Variants in SMIM1 observed in about 807,000 individuals in gnomAD.
SMIM1 encodes the protein small integral membrane protein 1.
In SMIM1, 7 loss-of-function variants were observed where a neutral mutation model predicts 7.7. The observed-to-expected ratio is 0.91, with a 90% CI of 0.52 to 1.71. SMIM1 has a LOEUF of 1.71. Ranked by LOEUF, SMIM1 falls within the 40% of genes most tolerant of loss-of-function variation. The pLI is 0.00. For missense variants in SMIM1, 95 were observed against 102.8 expected (o/e 0.92, Z 0.33); for synonymous variants, 41 against 42.7 (o/e 0.96, Z 0.16).
chr1:3,773,696 C>T (rs573092099), intron 2 of SMIM1, among the ~76,000 whole-genome samples: 4 of 152,200 alleles, frequency 2.6e-5, no homozygotes, highest in Admixed American at 1.3e-4. Flanking sequence ...TCTCCCATCC[C>T]CTGCTGCACC....
chr1:3,775,587 C>A lies in SMIM1; in HGVS notation c.110+104C>A. ...CCGGCCCCATCACCCTCCACCCCATCCTGGCTGGGAGCCCACGGTCCAGCA... is the reference window on the plus strand; with the variant it reads ...CCGGCCCCATCACCCTCCACCCCATACTGGCTGGGAGCCCACGGTCCAGCA... On this transcript the variant is annotated intron_variant, in intron 3 of 3. Transcript: ENST00000642557. This position sits in a 1 kb window ranked among gnomAD's most constrained non-coding sequence, Gnocchi z 5.3. 1 of 1,294,906 alleles carries A rather than the reference C, an allele frequency of 7.7e-7. No homozygotes were observed. The highest frequency in any genetic ancestry group is 1.1e-6 in the Non-Finnish European group (1 of 952,108). 80.2% of individuals were successfully genotyped at this position (1,294,906 alleles called of 1,614,324 possible).
In SMIM1 at chr1:3,775,264, T is replaced by C; in HGVS notation, c.-75-35T>C. 2 of 708,086 alleles carry C rather than the reference T, an allele frequency of 2.8e-6. No individual in the cohort carries two copies. Among genetic ancestry groups the C allele is most frequent in the Non-Finnish European group, 4.5e-6 (2 of 446,506 alleles). 43.9% of individuals were successfully genotyped at this position (708,086 alleles called of 1,614,324 possible). A position where few individuals can be genotyped will look rare whatever the true frequency, so the allele number is the denominator to read the frequency against. On this transcript the variant is annotated intron_variant, in intron 2 of 3. Coordinates refer to ENST00000642557, the MANE Select transcript of SMIM1 (RefSeq NM_001288583.2). This position sits in a 1 kb window ranked among gnomAD's most constrained non-coding sequence, Gnocchi z 5.3. ...CTCCTAACAGCAGCCTCAGAGGGGG[T>C]CTTGACTGCCGCCCTCCATCCGCTT...
intron 2 of SMIM1, among the ~76,000 whole-genome samples, chr1:3,774,320 A>C (rs1471249473): frequency 2.0e-5 from 3 of 152,116 alleles, no homozygotes; most frequent in Admixed American, 6.5e-5. Flanking sequence ...GTGGGTTGTC[A>C]ACTTCTCGTG....
chr1:3,775,765 G>A lies in SMIM1; in HGVS notation c.111-30G>A, dbSNP rs1433690566. The A allele has an allele frequency of 5.8e-6, 9 of 1,545,430 alleles. No individual in the cohort carries two copies. The highest frequency in any genetic ancestry group is 7.9e-6 in the Non-Finnish European group (9 of 1,145,676). On this transcript the variant is annotated intron_variant, in intron 3 of 3. Transcript: ENST00000642557. The surrounding 1 kb of genome is among the most constrained non-coding windows in gnomAD (Gnocchi z 5.3). ...GGGCCCCTCATGCGGCCCTGGCCTG[G>A]GGCTCACCTCCAGTTGGTTCTCACC...
At position 3,775,950 on chromosome 1, in the gene SMIM1, G is replaced by A. The variant is rs1285285941; in HGVS notation, c.*29G>A. The A allele has an allele frequency of 6.5e-7, 1 of 1,541,864 alleles. No homozygotes were observed. On this transcript the variant is annotated 3_prime_UTR_variant, in exon 4 of 4. Coordinates refer to ENST00000642557, the MANE Select transcript of SMIM1 (RefSeq NM_001288583.2). The surrounding 1 kb of genome is among the most constrained non-coding windows in gnomAD (Gnocchi z 5.3). Reference sequence around the variant, plus strand: ...CTGCCCCGCATGCACGCGGGGGGCTGGCCGCACACGTGAGAGCACAGGCCT... The same window carrying A: ...CTGCCCCGCATGCACGCGGGGGGCTAGCCGCACACGTGAGAGCACAGGCCT...
rs1385015623 is a variant in SMIM1, at chr1:3,775,629, C to A, written c.110+146C>A. 4 of 1,294,960 alleles carry A rather than the reference C, an allele frequency of 3.1e-6. No individual in the cohort carries two copies. The highest frequency in any genetic ancestry group is 4.2e-6 in the Non-Finnish European group (4 of 963,218). 80.2% of individuals were successfully genotyped at this position (1,294,960 alleles called of 1,614,324 possible). ...GGTCCAGCAGCTCAGCAAACCGCAGCCTTTGGCCTTCCCTCTGGTTGGCTG... is the reference window on the plus strand; with the variant it reads ...GGTCCAGCAGCTCAGCAAACCGCAGACTTTGGCCTTCCCTCTGGTTGGCTG... On this transcript the variant is annotated intron_variant, in intron 3 of 3. Coordinates refer to ENST00000642557, the MANE Select transcript of SMIM1 (RefSeq NM_001288583.2). This position sits in a 1 kb window ranked among gnomAD's most constrained non-coding sequence, Gnocchi z 5.3.
chr1:3,775,010 G>A lies in SMIM1; in HGVS notation c.-75-289G>A, dbSNP rs1364087134. Among the ~76,000 whole-genome samples the A allele has an allele frequency of 6.6e-6, 1 of 152,168 alleles. No homozygotes were observed. Among genetic ancestry groups the A allele is most frequent in the Non-Finnish European group, 1.5e-5 (1 of 68,030 alleles). ...CTCTTGAGGGTGGCAGGCTGTGCAGGCTCCCTGATAAAAGCACCGGGGAAG... is the reference window on the plus strand; with the variant it reads ...CTCTTGAGGGTGGCAGGCTGTGCAGACTCCCTGATAAAAGCACCGGGGAAG... On this transcript the variant is annotated intron_variant, in intron 2 of 3. Coordinates refer to ENST00000642557, the MANE Select transcript of SMIM1 (RefSeq NM_001288583.2). The surrounding 1 kb of genome is among the most constrained non-coding windows in gnomAD (Gnocchi z 5.3).
Position 3,775,624 on chromosome 1 carries a change from C to A in SMIM1, c.110+141C>A. 1 of 1,291,150 alleles carries A rather than the reference C, an allele frequency of 7.7e-7. No homozygotes were observed. The highest frequency in any genetic ancestry group is 1.0e-6 in the Non-Finnish European group (1 of 959,296). 80.0% of individuals were successfully genotyped at this position (1,291,150 alleles called of 1,614,324 possible). On this transcript the variant is annotated intron_variant, in intron 3 of 3. Coordinates refer to ENST00000642557, the MANE Select transcript of SMIM1 (RefSeq NM_001288583.2). This position sits in a 1 kb window ranked among gnomAD's most constrained non-coding sequence, Gnocchi z 5.3. ...CCCACGGTCCAGCAGCTCAGCAAAC[C>A]GCAGCCTTTGGCCTTCCCTCTGGTT...
intron 2 of SMIM1, among the ~76,000 whole-genome samples, chr1:3,773,798 G>T (rs1643418519): frequency 6.6e-6 from 1 of 152,202 alleles, no homozygotes; most frequent in Non-Finnish European, 1.5e-5. Context: ...ACCTGGGGCT[G>T]GCACATTGCT....
Position 3,775,765 on chromosome 1 carries a change from G to T in SMIM1, c.111-30G>T. 6.5e-7 allele frequency: 1 copy of T among 1,545,546 alleles called. No homozygotes were observed. The highest frequency in any genetic ancestry group is 8.7e-7 in the Non-Finnish European group (1 of 1,145,668). Reference sequence around the variant, plus strand: ...GGGCCCCTCATGCGGCCCTGGCCTGGGGCTCACCTCCAGTTGGTTCTCACC... The same window carrying T: ...GGGCCCCTCATGCGGCCCTGGCCTGTGGCTCACCTCCAGTTGGTTCTCACC... On this transcript the variant is annotated intron_variant, in intron 3 of 3. Coordinates refer to ENST00000642557, the MANE Select transcript of SMIM1 (RefSeq NM_001288583.2). The surrounding 1 kb of genome is among the most constrained non-coding windows in gnomAD (Gnocchi z 5.3).
At chr1:3,774,996 G>T (rs1414910615) in intron 2 of SMIM1, among the ~76,000 whole-genome samples, 1 of 152,142 alleles carries the variant, frequency 6.6e-6, no homozygotes, top group Non-Finnish European at 1.5e-5. Context: ...TCTTGAGGGT[G>T]GCAGGCTGTG....
At position 3,775,239 on chromosome 1, in the gene SMIM1, C is replaced by G. The variant is rs1326104620; in HGVS notation, c.-75-60C>G. The G allele has an allele frequency of 1.6e-6, 1 of 622,626 alleles. No homozygotes were observed. Among genetic ancestry groups the G allele is most frequent in the Non-Finnish European group, 2.8e-6 (1 of 361,124 alleles). The allele number at this position is 622,626 out of a possible 1,614,324, so 38.6% of individuals were successfully genotyped here. On this transcript the variant is annotated intron_variant, in intron 2 of 3. Transcript: ENST00000642557. The surrounding 1 kb of genome is among the most constrained non-coding windows in gnomAD (Gnocchi z 5.3). ...TCAGCCCCCGACCCTTAGTGCCCCT[C>G]TCCTAACAGCAGCCTCAGAGGGGGT...
Position 3,775,624 on chromosome 1 carries a change from C to T in SMIM1, c.110+141C>T, listed in dbSNP as rs535695998. 2.1e-5 allele frequency: 27 copies of T among 1,291,146 alleles called. No homozygotes were observed. In the Middle Eastern group the frequency reaches 8.2e-4, roughly 39 times the overall value. 80.0% of individuals were successfully genotyped at this position (1,291,146 alleles called of 1,614,324 possible). A position where few individuals can be genotyped will look rare whatever the true frequency, so the allele number is the denominator to read the frequency against. ...CCCACGGTCCAGCAGCTCAGCAAACCGCAGCCTTTGGCCTTCCCTCTGGTT... is the reference window on the plus strand; with the variant it reads ...CCCACGGTCCAGCAGCTCAGCAAACTGCAGCCTTTGGCCTTCCCTCTGGTT... On this transcript the variant is annotated intron_variant, in intron 3 of 3. Transcript: ENST00000642557. The surrounding 1 kb of genome is among the most constrained non-coding windows in gnomAD (Gnocchi z 5.3).
Position 3,775,698 on chromosome 1 carries a change from C to T in SMIM1, c.111-97C>T. On this transcript the variant is annotated intron_variant, in intron 3 of 3. Coordinates refer to ENST00000642557, the MANE Select transcript of SMIM1 (RefSeq NM_001288583.2). This position sits in a 1 kb window ranked among gnomAD's most constrained non-coding sequence, Gnocchi z 5.3. ...TCTTGACTCCAGCAGAGCGCCCAGG[C>T]CCCTCCCCCTGACCCAGACCAACGG... 3 of 1,460,232 alleles carry T rather than the reference C, an allele frequency of 2.1e-6. No homozygotes were observed. Among genetic ancestry groups the T allele is most frequent in the South Asian group, 1.4e-5 (1 of 72,916 alleles). 90.5% of individuals were successfully genotyped at this position (1,460,232 alleles called of 1,614,324 possible).
chr1:3,775,346 C>T lies in SMIM1; in HGVS notation c.-28C>T. ...GTCTTGATCTCCCCACCGAGAAGGC[C>T]CCGCCCCTCCCGCTGCAGCCCCACA... is the stretch of plus-strand genomic sequence containing the variant. On this transcript the variant is annotated 5_prime_UTR_variant, in exon 3 of 4. Transcript: ENST00000642557. The surrounding 1 kb of genome is among the most constrained non-coding windows in gnomAD (Gnocchi z 5.3). The T allele has an allele frequency of 6.5e-7, 1 of 1,532,574 alleles. No homozygotes were observed. The allele number at this position is 1,532,574 out of a possible 1,614,324, so 94.9% of individuals were successfully genotyped here. A position where few individuals can be genotyped will look rare whatever the true frequency, so the allele number is the denominator to read the frequency against.
At position 3,775,193 on chromosome 1, in the gene SMIM1, G is replaced by A; in HGVS notation, c.-75-106G>A. On this transcript the variant is annotated intron_variant, in intron 2 of 3. Transcript: ENST00000642557. The surrounding 1 kb of genome is among the most constrained non-coding windows in gnomAD (Gnocchi z 5.3). ...GTGTCTAGGTCACCTGTTAAGTCAG[G>A]CGACAGACCCGGTGAGGGAGTCAGC... 1 of 532,488 alleles carries A rather than the reference G, an allele frequency of 1.9e-6. No individual in the cohort carries two copies. The highest frequency in any genetic ancestry group is 3.1e-5 in the East Asian group (1 of 32,166). 33.0% of individuals were successfully genotyped at this position (532,488 alleles called of 1,614,324 possible).
chr1:3,775,415 G>A lies in SMIM1; in HGVS notation c.42G>A (p.Glu14=), dbSNP rs1643443127. The change falls in exon 3 of 4, where the codon GAG becomes GAA. Residue 14 remains glutamate, a synonymous_variant. Transcript: ENST00000642557. The surrounding 1 kb of genome is among the most constrained non-coding windows in gnomAD (Gnocchi z 5.3). ...GCCACGTCCACTATAGTAGGTGGGA[G>A]GACGGCAGCAGGGACGGAGTCAGCC... The part of the protein sequence containing the change: ...QESHVHYSRW[E]DGSRDGVSLG... 1 of 1,550,644 alleles carries A rather than the reference G, an allele frequency of 6.4e-7. No individual in the cohort carries two copies. Among genetic ancestry groups the A allele is most frequent in the Non-Finnish European group, 8.7e-7 (1 of 1,146,840 alleles).
chr1:3,773,334 C>T (rs531378479), intron 2 of SMIM1, among the ~76,000 whole-genome samples, 153 bp downstream of exon 2: 2 of 152,354 alleles, frequency 1.3e-5, no homozygotes, highest in African/African-American at 4.8e-5. Context: ...GGGTTCCTGC[C>T]GCCACACCTG....
chr1:3,775,129 C>T lies in SMIM1; in HGVS notation c.-75-170C>T, dbSNP rs915229061. ...AGATGGAATTCTCGCTTGGTCCCAT[C>T]CTCCCGGCCTGACCCTGGGCAAATG... On this transcript the variant is annotated intron_variant, in intron 2 of 3. Transcript: ENST00000642557. This position sits in a 1 kb window ranked among gnomAD's most constrained non-coding sequence, Gnocchi z 5.3. Among the ~76,000 whole-genome samples, 4 of 152,144 alleles carry T rather than the reference C, an allele frequency of 2.6e-5. No homozygotes were observed. Among genetic ancestry groups the T allele is most frequent in the Non-Finnish European group, 5.9e-5 (4 of 68,016 alleles).
Sources: gnomAD v4.1 joint callset for allele counts (sites outside exome capture counted in the v4.1 genomes callset) on GRCh38, gnomAD v4.1.1 for gene constraint, Gnocchi (gnomAD v3.1) non-coding constraint, MANE v1.5 for transcripts, NCBI Gene and HGNC (gene_info 2026-07-23, HGNC 2026-07-21) for gene names.